UBE2R2: variants seen among roughly 807,000 people sequenced by gnomAD.
UBE2R2 encodes ubiquitin conjugating enzyme E2 R2, also known as ubiquitin-conjugating enzyme E2 R2.
A neutral mutation model predicts 27.8 loss-of-function variants in UBE2R2; 1 was observed. The ratio of observed to expected loss-of-function variants is 0.04; its 90% CI spans 0.01 to 0.17. UBE2R2 has a LOEUF of 0.17. Among genes scored for constraint, UBE2R2 ranks in the 10% least tolerant of loss-of-function variants. The pLI is 1.00. For synonymous variants in UBE2R2, 106 were observed against 113.3 expected (o/e 0.94, Z 0.41); for missense variants, 100 against 291.0 (o/e 0.34, Z 4.78).
At chr9:33,859,292 T>C (rs946292308) in intron 1 of UBE2R2, among the ~76,000 whole-genome samples, 1 of 152,216 alleles carries the variant, frequency 6.6e-6, no homozygotes, top group Admixed American at 6.5e-5. Flanking sequence ...TACTCTGATA[T>C]CTGCTCAAAG....
Position 33,844,246 on chromosome 9 carries a change from C to T in UBE2R2, c.177+26312C>T, listed in dbSNP as rs139831346. On this transcript the variant is annotated intron_variant, in intron 1 of 4. Coordinates refer to ENST00000263228, the MANE Select transcript of UBE2R2 (RefSeq NM_017811.4). ...TTTGAGAGAGTTTCACTCTTGTCGC[C>T]CAGGCTGGAGTGCAGTGGCGCGATC... 1.4e-4 allele frequency among the ~76,000 whole-genome samples: 21 copies of T among 152,320 alleles called. 1 individual carries two copies. Among genetic ancestry groups the T allele is most frequent in the African/African-American group, 5.1e-4 (21 of 41,576 alleles).
intron 1 of UBE2R2, among the ~76,000 whole-genome samples, chr9:33,835,629 C>T (rs1820599284): frequency 6.6e-6 from 1 of 151,768 alleles, no homozygotes; most frequent in African/African-American, 2.4e-5. Flanking sequence ...CACCTGTAAT[C>T]TGAGCACTTT....
chr9:33,831,967 C>T (rs1348822318), intron 1 of UBE2R2, among the ~76,000 whole-genome samples: 1 of 151,778 alleles, frequency 6.6e-6, no homozygotes. Flanking sequence ...GACCTGTGAC[C>T]CAGGTATTCT....
At chr9:33,822,724 C>G (rs1025135876) in intron 1 of UBE2R2, among the ~76,000 whole-genome samples, 4 of 150,088 alleles carry the variant, frequency 2.7e-5, no homozygotes, top group Admixed American at 6.6e-5. Context: ...CACACCCAGC[C>G]AAATAATTTT....
intron 1 of UBE2R2, among the ~76,000 whole-genome samples, chr9:33,885,342 G>C (rs1821832859): frequency 6.6e-6 from 1 of 152,124 alleles, no homozygotes; most frequent in Non-Finnish European, 1.5e-5. Flanking sequence ...TTTCCTTAAC[G>C]TTTTTGGTTA....
intron 1 of UBE2R2, among the ~76,000 whole-genome samples, chr9:33,858,212 A>C (rs1205939496): frequency 1.3e-5 from 2 of 152,184 alleles, no homozygotes; most frequent in Non-Finnish European, 2.9e-5. Flanking sequence ...CAGGAAGAGT[A>C]AGTTAGATTC....
At chr9:33,883,090 A>G (rs1300668763) in intron 1 of UBE2R2, among the ~76,000 whole-genome samples, 6 of 152,220 alleles carry the variant, frequency 3.9e-5, no homozygotes, top group Non-Finnish European at 8.8e-5. Context: ...CTCCACCTCA[A>G]AAAAATAATA....
intron 1 of UBE2R2, among the ~76,000 whole-genome samples, chr9:33,885,195 T>C (rs998283653): frequency 6.6e-6 from 1 of 152,228 alleles, no homozygotes; most frequent in East Asian, 1.9e-4. Context: ...AGTTAGGGCC[T>C]TCTTAGGGCT....
Position 33,918,228 on chromosome 9 carries a change from G to A in UBE2R2, c.*991G>A, listed in dbSNP as rs1485486821. 6.6e-6 allele frequency: 1 copy of A among 152,096 alleles called. No individual in the cohort carries two copies. The highest frequency in any genetic ancestry group is 1.5e-5 in the Non-Finnish European group (1 of 68,038). 9.4% of individuals were successfully genotyped at this position (152,096 alleles called of 1,614,324 possible). On this transcript the variant is annotated 3_prime_UTR_variant, in exon 5 of 5. Transcript: ENST00000263228. The stretch of plus-strand genomic sequence containing the variant: ...CCCATCAAAAATACACTCGTACCAT[G>A]ACGTTTTGTTTTTGTTTTTTAAGTA...
At chr9:33,829,891 G>GA (rs1820415096) in intron 1 of UBE2R2, among the ~76,000 whole-genome samples, 1 of 150,714 alleles carries the variant, frequency 6.6e-6, no homozygotes, top group African/African-American at 2.4e-5. Context: ...CGCCTCCTGG[G>GA]TTTTCAAGTG....
At chr9:33,863,188 C>CAAA (rs544206798) in intron 1 of UBE2R2, among the ~76,000 whole-genome samples, 10 of 106,022 alleles carry the variant, frequency 9.4e-5, no homozygotes, top group African/African-American at 3.1e-4. Context: ...GAGACTCCCT[C>CAAA]AAAAAAAAAA....
chr9:33,901,223 T>C (rs539063880), intron 3 of UBE2R2, among the ~76,000 whole-genome samples: 7 of 152,356 alleles, frequency 4.6e-5, no homozygotes, highest in African/African-American at 1.4e-4. Context: ...ATTTTTCTTA[T>C]GTGTTTTCTC....
At chr9:33,823,667 C>T (rs181143626) in intron 1 of UBE2R2, among the ~76,000 whole-genome samples, 190 of 152,330 alleles carry the variant, frequency 1.2e-3, no homozygotes, top group African/African-American at 4.3e-3. Context: ...TGAGCCACCG[C>T]GCCTGGCTGA....
At chr9:33,868,050 CT>C (rs1412734360) in intron 1 of UBE2R2, among the ~76,000 whole-genome samples, 1 of 152,166 alleles carries the variant, frequency 6.6e-6, no homozygotes, top group Non-Finnish European at 1.5e-5. Flanking sequence ...ATGCAGAAGA[CT>C]TTATTGAGCA....
At position 33,919,940 on chromosome 9, in the gene UBE2R2, TCCC is replaced by T. The variant is rs1254266066; in HGVS notation, c.*2707_*2709del. 6.6e-6 allele frequency: 1 copy of T among 152,210 alleles called. No homozygotes were observed. The highest frequency in any genetic ancestry group is 2.4e-5 in the African/African-American group (1 of 41,450). 9.4% of individuals were successfully genotyped at this position (152,210 alleles called of 1,614,324 possible). ...ATTCTGCTGTTGATTCTTTCAGTCTTCCCCCCTTCTCCTTTTATCAATCATTCC... is the reference window on the plus strand; with the variant it reads ...ATTCTGCTGTTGATTCTTTCAGTCTTCCCTTCTCCTTTTATCAATCATTCC... On this transcript the variant is annotated 3_prime_UTR_variant, in exon 5 of 5. Coordinates refer to ENST00000263228, the MANE Select transcript of UBE2R2 (RefSeq NM_017811.4).
At chr9:33,826,014 G>C (rs1325593233) in intron 1 of UBE2R2, among the ~76,000 whole-genome samples, 1 of 152,062 alleles carries the variant, frequency 6.6e-6, no homozygotes, top group African/African-American at 2.4e-5. Flanking sequence ...GTGGTGGCAT[G>C]CGCCTGTAGT....
At chr9:33,839,994 T>G (rs757177126) in intron 1 of UBE2R2, among the ~76,000 whole-genome samples, 15 of 148,486 alleles carry the variant, frequency 1.0e-4, no homozygotes, top group Non-Finnish European at 2.2e-4. Context: ...AGACCCTGAC[T>G]CTTAAAAAAA....
At chr9:33,823,602 C>T (rs1820220693) in intron 1 of UBE2R2, among the ~76,000 whole-genome samples, 2 of 152,148 alleles carry the variant, frequency 1.3e-5, no homozygotes, top group Non-Finnish European at 2.9e-5. Flanking sequence ...TCTCAAACTC[C>T]TGACCTCAGA....
At chr9:33,831,537 C>T (rs1253279353) in intron 1 of UBE2R2, among the ~76,000 whole-genome samples, 3 of 152,186 alleles carry the variant, frequency 2.0e-5, no homozygotes, top group Non-Finnish European at 4.4e-5. Flanking sequence ...TTGCCTCAGC[C>T]TCTGGAGTAG....
Sources: gnomAD v4.1 joint callset for allele counts (sites outside exome capture counted in the v4.1 genomes callset) on GRCh38, gnomAD v4.1.1 for gene constraint, MANE v1.5 for transcripts, NCBI Gene and HGNC (gene_info 2026-07-23, HGNC 2026-07-21) for gene names.